Variants in EYS observed in about 807,000 individuals in gnomAD.
EYS encodes the protein protein eyes shut homolog.
A neutral mutation model predicts 282.1 loss-of-function variants in EYS; 250 were observed. The ratio of observed to expected loss-of-function variants is 0.89; its 90% confidence interval spans 0.80 to 0.98. EYS has a LOEUF of 0.98. Ranked by LOEUF, EYS falls within the 50% of genes least tolerant of loss-of-function variation. The pLI is 0.00. For synonymous variants in EYS, 1,355 were observed against 1,282.9 expected (o/e 1.06, Z -1.20); for missense variants, 4,016 against 3,709.0 (o/e 1.08, Z -2.15).
chr6:63,852,156 C>CAAAAAAAA (rs67772165), intron 36 of EYS, among the ~76,000 whole-genome samples: 3 of 54,988 alleles, frequency 5.5e-5, no homozygotes, highest in African/African-American at 1.6e-4. Flanking sequence ...GACTCTGTCT[C>CAAAAAAAA]AAAAAAAAAA....
chr6:64,382,895 A>G (rs1306732969), intron 29 of EYS, among the ~76,000 whole-genome samples: 1 of 151,774 alleles, frequency 6.6e-6, no homozygotes, highest in Non-Finnish European at 1.5e-5. Flanking sequence ...GAAAAAGTGG[A>G]GTGGTGGGAA....
intron 35 of EYS, among the ~76,000 whole-genome samples, chr6:63,880,051 A>G (rs762289776): frequency 1.2e-4 from 19 of 152,196 alleles, no homozygotes; most frequent in Non-Finnish European, 2.5e-4. Context: ...ACTGGGGCTC[A>G]AATTTACATA....
intron 35 of EYS, among the ~76,000 whole-genome samples, chr6:63,920,535 TCTC>T (rs567796565): frequency 4.2e-4 from 64 of 152,146 alleles, no homozygotes; most frequent in African/African-American, 1.4e-3. Context: ...GGCAAAAACT[TCTC>T]CTTCCTGATG....
At chr6:65,122,306 G>A (rs1374047187) in intron 12 of EYS, among the ~76,000 whole-genome samples, 1 of 152,056 alleles carries the variant, frequency 6.6e-6, no homozygotes, top group Non-Finnish European at 1.5e-5. Flanking sequence ...CACACCAGAA[G>A]AAACCATTCA....
At chr6:65,642,394 A>T (rs1767305022) in intron 1 of EYS, among the ~76,000 whole-genome samples, 1 of 152,170 alleles carries the variant, frequency 6.6e-6, no homozygotes. Flanking sequence ...GCCTTCATCC[A>T]GAGAGGATTT....
chr6:64,320,365 C>A (rs1770169763), intron 29 of EYS, among the ~76,000 whole-genome samples: 3 of 151,772 alleles, frequency 2.0e-5, no homozygotes, highest in African/African-American at 7.2e-5. Flanking sequence ...TGTTGAATCT[C>A]TGCTCATTTT....
intron 2 of EYS, among the ~76,000 whole-genome samples, chr6:65,621,104 T>C (rs1341937122): frequency 2.0e-5 from 3 of 152,152 alleles, no homozygotes; most frequent in Non-Finnish European, 2.9e-5. Flanking sequence ...TTCCTGGGTA[T>C]CCATGTTGAC....
chr6:65,501,733 T>C (rs1343066096), intron 2 of EYS, among the ~76,000 whole-genome samples: 1 of 151,740 alleles, frequency 6.6e-6, no homozygotes, highest in Admixed American at 6.6e-5. Context: ...TATAAAAAAG[T>C]ATAGAGATTA....
Position 65,332,053 on chromosome 6 carries a change from G to T in EYS, c.1766+2927C>A, listed in dbSNP as rs185106846. 1,437 of 260,614 alleles carry T rather than the reference G, an allele frequency of 5.5e-3. 7 individuals carry two copies. The highest frequency in any genetic ancestry group is 7.4e-3 in the Non-Finnish European group (1,020 of 137,060). 16.1% of individuals were successfully genotyped at this position (260,614 alleles called of 1,614,324 possible). A position where few individuals can be genotyped will look rare whatever the true frequency, so the allele number is the denominator to read the frequency against. ...GCTGGGTGTAAAGTGTTATCTCATT[G>T]TTTTGATTTAAAATTCCAGTCTTTC... is the stretch of plus-strand genomic sequence containing the variant. On this transcript the variant is annotated intron_variant, in intron 11 of 42. Transcript: ENST00000503581.
intron 8 of EYS, among the ~76,000 whole-genome samples, chr6:65,361,481 G>T (rs983955549): frequency 8.5e-6 from 1 of 117,706 alleles, no homozygotes; most frequent in Non-Finnish European, 1.7e-5. Context: ...TCTTTCGTTC[G>T]TTCGTTCCTT....
intron 29 of EYS, 29 bp downstream of exon 29, chr6:64,388,661 T>C (rs909712679): frequency 7.0e-7 from 1 of 1,419,408 alleles, no homozygotes; most frequent in Non-Finnish European, 9.4e-7. Context: ...TTTTCAATAA[T>C]TAATATTTTA....
chr6:64,196,828 G>A (rs1028696468), intron 31 of EYS, among the ~76,000 whole-genome samples: 1 of 151,692 alleles, frequency 6.6e-6, no homozygotes, highest in South Asian at 2.1e-4. Flanking sequence ...ACACCAGCAT[G>A]GCACATGTAT....
intron 22 of EYS, among the ~76,000 whole-genome samples, chr6:64,703,395 A>G (rs1232570635): frequency 3.5e-5 from 1 of 28,866 alleles, no homozygotes; most frequent in African/African-American, 9.6e-5. Flanking sequence ...ACACACACAC[A>G]CACACACACA....
intron 12 of EYS, among the ~76,000 whole-genome samples, chr6:65,210,762 G>C (rs912238858): frequency 6.6e-6 from 1 of 151,926 alleles, no homozygotes; most frequent in Non-Finnish European, 1.5e-5. Context: ...CATGAAGAAC[G>C]TAGATAATTT....
intron 41 of EYS, chr6:63,741,881 GTTT>G (rs1381747121): frequency 1.4e-6 from 1 of 701,790 alleles, no homozygotes; most frequent in African/African-American, 1.7e-5. Flanking sequence ...GTAGTCGTAT[GTTT>G]TTGTTTTGCT....
chr6:64,340,510 C>T (rs1771062036), intron 29 of EYS, among the ~76,000 whole-genome samples: 1 of 151,846 alleles, frequency 6.6e-6, no homozygotes, highest in Non-Finnish European at 1.5e-5. Flanking sequence ...GGATAACTGG[C>T]TAGCCATGTG....
intron 31 of EYS, among the ~76,000 whole-genome samples, chr6:64,106,734 ACT>A (rs1773026079): frequency 6.6e-6 from 1 of 151,664 alleles, no homozygotes; most frequent in South Asian, 2.1e-4. Context: ...ATTTGAGGAA[ACT>A]CAGCCATTAT....
intron 22 of EYS, among the ~76,000 whole-genome samples, chr6:64,727,271 A>C (rs1771787465): frequency 1.3e-5 from 2 of 151,612 alleles, no homozygotes. Flanking sequence ...ATATTTCTGC[A>C]TTGCGTAATT....
At chr6:65,521,585 C>T (rs764445231) in intron 2 of EYS, among the ~76,000 whole-genome samples, 4 of 152,086 alleles carry the variant, frequency 2.6e-5, no homozygotes, top group Admixed American at 2.0e-4. Flanking sequence ...ACATACCTGA[C>T]AGTTCATATA....
Sources: gnomAD v4.1 joint callset for allele counts (sites outside exome capture counted in the v4.1 genomes callset) on GRCh38, gnomAD v4.1.1 for gene constraint, MANE v1.5 for transcripts, NCBI Gene and HGNC (gene_info 2026-07-23, HGNC 2026-07-21) for gene names.